Variants in LIPI observed in about 807,000 individuals in gnomAD.
The protein encoded by LIPI is lipase I.
LIPI carries 59 observed loss-of-function variants against 50.6 expected under a neutral mutation model. The observed-to-expected ratio is 1.16, with a 90% CI of 0.94 to 1.45. The LOEUF is 1.45. LIPI is among the 40% of genes most tolerant of loss of function. The pLI, the probability that LIPI is intolerant of heterozygous loss-of-function variation, is 0.00. For missense variants in LIPI, 586 were observed against 536.3 expected (o/e 1.09, Z -0.92); for synonymous variants, 203 against 178.2 (o/e 1.14, Z -1.11).
At position 14,143,222 on chromosome 21, in the gene LIPI, G is replaced by C. The variant is rs192014377; in HGVS notation, c.1295+1401C>G. 4.9e-4 allele frequency among the ~76,000 whole-genome samples: 75 copies of C among 152,240 alleles called. 3 individuals are homozygous for C. The highest frequency in any genetic ancestry group is 3.7e-3 in the Admixed American group (57 of 15,274). On this transcript the variant is annotated intron_variant, in intron 9 of 9. Transcript: ENST00000681601. ...GAAGATTGAAAATCTTACAGCTCTA[G>C]TCCTTCAAGGCATGATCCCTCCCCA...
intron 4 of LIPI, among the ~76,000 whole-genome samples, chr21:14,172,250 C>T (rs1020420454): frequency 2.0e-5 from 3 of 151,570 alleles, no homozygotes; most frequent in African/African-American, 7.3e-5. Context: ...GAAATAGGAA[C>T]ACTTTTACAC....
At chr21:14,116,846 C>T (rs1300455299) in intron 9 of LIPI, among the ~76,000 whole-genome samples, 1 of 152,096 alleles carries the variant, frequency 6.6e-6, no homozygotes, top group Non-Finnish European at 1.5e-5. Context: ...AAGTGCAGGC[C>T]CAGGAGAAAG....
intron 5 of LIPI, 24 bp downstream of exon 5, chr21:14,166,338 C>T: frequency 8.3e-7 from 1 of 1,211,102 alleles, no homozygotes; most frequent in Non-Finnish European, 1.2e-6. Flanking sequence ...TTATGTAGTT[C>T]ATTCAAAAAT....
chr21:14,165,676 C>G (rs998648106), intron 5 of LIPI, among the ~76,000 whole-genome samples: 5 of 152,214 alleles, frequency 3.3e-5, no homozygotes, highest in African/African-American at 9.6e-5. Flanking sequence ...TGCTACTATA[C>G]TTAATAACTA....
At chr21:14,128,138 A>C (rs138250773) in intron 9 of LIPI, among the ~76,000 whole-genome samples, 1 of 152,146 alleles carries the variant, frequency 6.6e-6, no homozygotes, top group East Asian at 1.9e-4. Context: ...ACACACAGAC[A>C]CTGTGTCATA....
intron 1 of LIPI, among the ~76,000 whole-genome samples, chr21:14,190,143 A>G (rs1453975410): frequency 1.3e-5 from 2 of 152,128 alleles, no homozygotes; most frequent in African/African-American, 4.8e-5. Context: ...GCATTCTATA[A>G]CTATTAACTA....
intron 9 of LIPI, among the ~76,000 whole-genome samples, chr21:14,137,070 C>G (rs1391170079): frequency 1.3e-5 from 2 of 152,030 alleles, no homozygotes; most frequent in Non-Finnish European, 2.9e-5. Flanking sequence ...CAAGTTGTGA[C>G]CCAAGTGTTT....
In LIPI at chr21:14,189,318, T is replaced by A; in HGVS notation, c.148A>T (p.Arg50Trp). ...RIETILMMYT[R>W]NNLNCAEPLF... ...GGCTCAGCACAGTTTAGGTTGTTCC[T>A]TGTATACATCATCAGAATGGTCTCT... Residue 50 changes from arginine (R) to tryptophan (W), a missense_variant, in exon 2 of 10, where the codon AGG (arginine) becomes TGG (tryptophan). Transcript: ENST00000681601. 1 of 1,613,608 alleles carries A rather than the reference T, an allele frequency of 6.2e-7. No individual in the cohort carries two copies. Among genetic ancestry groups the A allele is most frequent in the Middle Eastern group, 1.7e-4 (1 of 6,060 alleles).
At chr21:14,149,624 A>T (rs2018018727) in intron 8 of LIPI, among the ~76,000 whole-genome samples, 1 of 152,216 alleles carries the variant, frequency 6.6e-6, no homozygotes, top group Non-Finnish European at 1.5e-5. Flanking sequence ...TACTTCCTAG[A>T]TACAATGGGG....
In LIPI at chr21:14,109,062, A is replaced by G; in HGVS notation, c.1314T>C (p.Tyr438=). ...TYPERPPLCR[Y]NIVLKDREEV... ...CCTCTCTGTCTTTAAGTACAATATT[A>G]TACCTGCAAAGTGGTGGTCTGAGAA... Residue 438 remains tyrosine (Y), a synonymous_variant, in exon 10 of 10, where the codon TAT becomes TAC. Transcript: ENST00000681601. The G allele has an allele frequency of 6.3e-7, 1 of 1,596,480 alleles. No individual in the cohort carries two copies. The highest frequency in any genetic ancestry group is 2.2e-5 in the East Asian group (1 of 44,630).
At chr21:14,209,656 T>C (rs2020314830) in intron 1 of LIPI, among the ~76,000 whole-genome samples, 1 of 152,136 alleles carries the variant, frequency 6.6e-6, no homozygotes, top group Admixed American at 6.5e-5. Flanking sequence ...GCAATTATGT[T>C]TGAATTTTCC....
At chr21:14,208,970 G>A (rs776622092) in intron 1 of LIPI, among the ~76,000 whole-genome samples, 1 of 152,074 alleles carries the variant, frequency 6.6e-6, no homozygotes, top group Non-Finnish European at 1.5e-5. Context: ...AGGATTTCTT[G>A]AACCTAGGAG....
At position 14,186,041 on chromosome 21, in the gene LIPI, T is replaced by A; in HGVS notation, c.461A>T (p.His154Leu). ...AGCCCCTAAGCTCACACCTATGAAA[T>A]GAAAATTGTCAAGAGATGCACCATG... ...LKHGASLDNF[H>L]FIGVSLGAHI... Residue 154 changes from histidine (H) to leucine (L), a missense_variant, in exon 3 of 10, where the codon CAT (histidine) becomes CTT (leucine). Coordinates refer to ENST00000681601, the MANE Select transcript of LIPI (RefSeq NM_001302998.2). 1.2e-6 allele frequency: 2 copies of A among 1,602,854 alleles called. No homozygotes were observed. The highest frequency in any genetic ancestry group is 1.7e-6 in the Non-Finnish European group (2 of 1,170,076).
In LIPI at chr21:14,189,344, A is replaced by C. The variant is rs1217309763; in HGVS notation, c.122T>G (p.Ile41Arg). The C allele has an allele frequency of 1.2e-6, 2 of 1,612,724 alleles. No homozygotes were observed. Among genetic ancestry groups the C allele is most frequent in the African/African-American group, 2.7e-5 (2 of 74,876 alleles). ...TGTATACATCATCAGAATGGTCTCT[A>C]TTCTCGGAATAAATAAATCTCTGAA... Reference protein sequence around the residue: ...DSFRDLFIPRIETILMMYTRN... With the variant: ...DSFRDLFIPRRETILMMYTRN... The change falls in exon 2 of 10, where the codon ATA (isoleucine) becomes AGA (arginine). Residue 41 changes from isoleucine (I) to arginine (R), a missense_variant. Transcript: ENST00000681601.
chr21:14,166,673 C>A (rs958533518), intron 4 of LIPI, among the ~76,000 whole-genome samples: 1 of 152,150 alleles, frequency 6.6e-6, no homozygotes, highest in African/African-American at 2.4e-5. Flanking sequence ...TACTATCGGT[C>A]AGTCACAGTT....
intron 9 of LIPI, among the ~76,000 whole-genome samples, chr21:14,115,586 A>G (rs988122784): frequency 2.0e-5 from 3 of 152,174 alleles, no homozygotes; most frequent in African/African-American, 4.8e-5. Flanking sequence ...TCCTTTGCCT[A>G]TGGGTTAGAG....
At chr21:14,167,041 C>T (rs546890501) in intron 4 of LIPI, among the ~76,000 whole-genome samples, 8 of 152,226 alleles carry the variant, frequency 5.3e-5, no homozygotes, top group South Asian at 4.1e-4. Flanking sequence ...GCTTAAAAAA[C>T]GGCCCACCAG....
chr21:14,186,996 C>A (rs1048741833), intron 2 of LIPI, among the ~76,000 whole-genome samples: 1 of 152,208 alleles, frequency 6.6e-6, no homozygotes, highest in Non-Finnish European at 1.5e-5. Flanking sequence ...CTAGGTCTCA[C>A]TCCAAAATTA....
At chr21:14,160,960 AAAT>A (rs1287261705) in intron 7 of LIPI, among the ~76,000 whole-genome samples, 1 of 151,468 alleles carries the variant, frequency 6.6e-6, no homozygotes, top group Non-Finnish European at 1.5e-5. Context: ...AGAATTTTTA[AAAT>A]AATGACACCA....
Sources: allele counts gnomAD v4.1 joint callset (sites outside exome capture counted in the v4.1 genomes callset), GRCh38; gene constraint gnomAD v4.1.1; transcripts MANE v1.5; gene names NCBI Gene and HGNC (gene_info 2026-07-23, HGNC 2026-07-21).